The following FER variants were observed in gnomAD, a reference collection of about 807,000 sequenced individuals.
FER encodes tyrosine-protein kinase Fer.
A neutral mutation model predicts 111.0 loss-of-function variants in FER; 63 were observed. The ratio of observed to expected loss-of-function variants is 0.57; its 90% CI spans 0.46 to 0.70. The LOEUF is 0.70. Ranked by LOEUF, FER falls within the 30% of genes least tolerant of loss-of-function variation. The probability of loss-of-function intolerance (pLI) is 0.00; values close to 1 mark genes in which losing one functional copy is unlikely to be tolerated. For missense variants in FER, 914 were observed against 954.0 expected (o/e 0.96, Z 0.55); for synonymous variants, 327 against 313.9 (o/e 1.04, Z -0.44).
In FER at chr5:109,195,069, A is replaced by G. The variant is rs1759643995; in HGVS notation, c.*7494A>G. ...TTTATTTTTAAACCCAAAAGAAAGA[A>G]AGAAACACACCCTCTTATGTAGGAA... On this transcript the variant is annotated 3_prime_UTR_variant, in exon 20 of 20. Transcript: ENST00000281092. 6.6e-6 allele frequency: 1 copy of G among 152,158 alleles called. No homozygotes were observed. The highest frequency in any genetic ancestry group is 2.1e-4 in the South Asian group (1 of 4,820). The allele number at this position is 152,158 out of a possible 1,614,324, so 9.4% of individuals were successfully genotyped here. A position where few individuals can be genotyped will look rare whatever the true frequency, so the allele number is the denominator to read the frequency against.
chr5:108,810,830 G>T (rs111610446), intron 3 of FER, among the ~76,000 whole-genome samples: 2 of 152,194 alleles, frequency 1.3e-5, no homozygotes, highest in African/African-American at 4.8e-5. Context: ...GATCTGCCTG[G>T]GGGTGAGGAA....
At chr5:108,988,514 G>A (rs1762820231) in intron 13 of FER, among the ~76,000 whole-genome samples, 1 of 151,954 alleles carries the variant, frequency 6.6e-6, no homozygotes. Context: ...TAATCTAGGA[G>A]GGTCCTTTAT....
intron 13 of FER, 23 bp from the exon 14 acceptor site, chr5:109,037,399 A>T: frequency 6.2e-7 from 1 of 1,604,770 alleles, no homozygotes; most frequent in Non-Finnish European, 8.5e-7. Flanking sequence ...GTACTAAACA[A>T]CTGTTCTTAT....
intron 13 of FER, among the ~76,000 whole-genome samples, chr5:108,991,947 G>A (rs962947158): frequency 1.3e-5 from 2 of 151,746 alleles, no homozygotes; most frequent in Non-Finnish European, 2.9e-5. Context: ...AGGGTCATAG[G>A]ACAATAGTGG....
At chr5:109,057,685 T>C (rs2149952059) in intron 16 of FER, among the ~76,000 whole-genome samples, 1 of 152,264 alleles carries the variant, frequency 6.6e-6, no homozygotes, top group East Asian at 1.9e-4. Context: ...CATGAAGATA[T>C]AAAGAACCTG....
At chr5:108,940,687 A>G (rs529328128) in intron 10 of FER, among the ~76,000 whole-genome samples, 192 of 152,222 alleles carry the variant, frequency 1.3e-3, no homozygotes, top group Non-Finnish European at 2.2e-3. Flanking sequence ...GCGAAGCACT[A>G]TCTACCCATC....
intron 11 of FER, among the ~76,000 whole-genome samples, chr5:108,950,515 GAT>G (rs1757576404): frequency 1.3e-5 from 2 of 152,054 alleles, no homozygotes; most frequent in African/African-American, 2.4e-5. Context: ...TAGAATTAAA[GAT>G]AGTCATTTAG....
rs557692671 is a variant in FER, at chr5:108,894,293, G to T, written c.1047-3366G>T. The T allele has an allele frequency of 3.4e-4, 239 of 695,150 alleles. No homozygotes were observed. The African/African-American group carries it at 4.3e-3, about 12-fold the overall frequency. The allele number at this position is 695,150 out of a possible 1,614,324, so 43.1% of individuals were successfully genotyped here. ...GTATTGGGCATTAGGGGTTCAGGTT[G>T]GGACTTGGGGGTCACCAATGAAAGA... On this transcript the variant is annotated intron_variant, in intron 9 of 19. Coordinates refer to ENST00000281092, the MANE Select transcript of FER (RefSeq NM_005246.4).
At chr5:108,935,402 A>T (rs528937714) in intron 10 of FER, among the ~76,000 whole-genome samples, 24 of 152,142 alleles carry the variant, frequency 1.6e-4, no homozygotes, top group African/African-American at 5.5e-4. Flanking sequence ...CTTACGAGGA[A>T]ACTTGTCATT....
intron 5 of FER, among the ~76,000 whole-genome samples, chr5:108,854,675 C>A (rs1357090971): frequency 2.6e-5 from 4 of 152,228 alleles, no homozygotes; most frequent in African/African-American, 9.6e-5. Flanking sequence ...GTGGCTCATG[C>A]CTGTAATCCC....
At chr5:108,895,060 A>G (rs1016269375) in intron 9 of FER, among the ~76,000 whole-genome samples, 12 of 152,292 alleles carry the variant, frequency 7.9e-5, no homozygotes, top group Admixed American at 2.0e-4. Flanking sequence ...AAAATTATAC[A>G]AATGTTTTAG....
At chr5:109,082,287 C>G (rs140071921) in intron 16 of FER, among the ~76,000 whole-genome samples, 1 of 152,092 alleles carries the variant, frequency 6.6e-6, no homozygotes, top group African/African-American at 2.4e-5. Context: ...GGCTGCACCA[C>G]CCTGCACCCA....
chr5:109,111,708 C>T (rs1299657141), intron 17 of FER, among the ~76,000 whole-genome samples: 1 of 152,060 alleles, frequency 6.6e-6, no homozygotes, highest in Non-Finnish European at 1.5e-5. Flanking sequence ...AGGGAGTAAG[C>T]ACTTTCTTCA....
At chr5:109,175,324 T>A (rs2126822487) in intron 17 of FER, among the ~76,000 whole-genome samples, 1 of 152,322 alleles carries the variant, frequency 6.6e-6, no homozygotes, top group African/African-American at 2.4e-5. Context: ...AAACCTCATG[T>A]TGTAGGTACA....
At chr5:108,752,302 CTA>C (rs1212247540) in intron 1 of FER, among the ~76,000 whole-genome samples, 3 of 151,788 alleles carry the variant, frequency 2.0e-5, no homozygotes, top group African/African-American at 7.3e-5. Context: ...ATTCAGAAAA[CTA>C]TAGAGAAGAA....
chr5:109,179,504 TA>T (rs1758053792), intron 17 of FER, among the ~76,000 whole-genome samples: 1 of 152,240 alleles, frequency 6.6e-6, no homozygotes. Flanking sequence ...CGATTACTTT[TA>T]AAATGTTAAA....
intron 17 of FER, among the ~76,000 whole-genome samples, chr5:109,127,320 A>G (rs1751841781): frequency 6.6e-6 from 1 of 152,154 alleles, no homozygotes; most frequent in Non-Finnish European, 1.5e-5. Context: ...TGTGTATTGT[A>G]TGTCTTTATT....
At chr5:108,931,273 G>C (rs982356102) in intron 10 of FER, among the ~76,000 whole-genome samples, 1 of 151,970 alleles carries the variant, frequency 6.6e-6, no homozygotes, top group Non-Finnish European at 1.5e-5. Context: ...CTTTTATGTA[G>C]CCCTTAAAAC....
chr5:109,099,127 G>A (rs1358927664), intron 16 of FER, among the ~76,000 whole-genome samples: 1 of 151,374 alleles, frequency 6.6e-6, no homozygotes, highest in Non-Finnish European at 1.5e-5. Context: ...TAGAGAAAGT[G>A]GGAAAGATTG....
Sources: allele counts gnomAD v4.1 joint callset (sites outside exome capture counted in the v4.1 genomes callset), GRCh38; gene constraint gnomAD v4.1.1; transcripts MANE v1.5; gene names NCBI Gene and HGNC (gene_info 2026-07-23, HGNC 2026-07-21).